Variants in PTPRT observed in about 807,000 individuals in gnomAD.
PTPRT encodes receptor-type tyrosine-protein phosphatase T.
In PTPRT, 56 loss-of-function variants were observed where a neutral mutation model predicts 176.8. The observed-to-expected ratio is 0.32, with a 90% confidence interval of 0.26 to 0.40. The LOEUF is 0.40. PTPRT is among the 10% of genes least tolerant of loss of function. The probability of loss-of-function intolerance (pLI) is 1.00; values close to 1 mark genes in which losing one functional copy is unlikely to be tolerated. For synonymous variants in PTPRT, 783 were observed against 739.0 expected (o/e 1.06, Z -0.96); for missense variants, 1,540 against 1,908.2 (o/e 0.81, Z 3.60).
intron 1 of PTPRT, among the ~76,000 whole-genome samples, chr20:43,030,141 G>A (rs923958188): frequency 6.6e-6 from 1 of 152,112 alleles, no homozygotes; most frequent in Admixed American, 6.6e-5. Context: ...TAAAAATTGA[G>A]AATGCTTTAT....
chr20:42,310,510 A>G (rs1184018326), intron 12 of PTPRT, among the ~76,000 whole-genome samples: 1 of 152,170 alleles, frequency 6.6e-6, no homozygotes, highest in Non-Finnish European at 1.5e-5. Flanking sequence ...TATATGGGAA[A>G]AAAGCTTTAA....
chr20:42,561,880 T>C (rs2072957559), intron 7 of PTPRT, among the ~76,000 whole-genome samples: 1 of 152,214 alleles, frequency 6.6e-6, no homozygotes, highest in Admixed American at 6.5e-5. Flanking sequence ...GTAACCCTCA[T>C]ACTGGCTGTT....
chr20:42,259,578 A>G (rs976112141), intron 13 of PTPRT, among the ~76,000 whole-genome samples: 21 of 152,238 alleles, frequency 1.4e-4, no homozygotes, highest in Non-Finnish European at 2.8e-4. Flanking sequence ...GGTAAGACTA[A>G]GACCTTAAGC....
intron 9 of PTPRT, among the ~76,000 whole-genome samples, chr20:42,422,194 C>G (rs1459789498): frequency 2.0e-5 from 3 of 152,048 alleles, no homozygotes; most frequent in Non-Finnish European, 4.4e-5. Flanking sequence ...AAAAGCAAAA[C>G]TTGACAAATG....
chr20:42,161,946 G>C (rs902408126), intron 16 of PTPRT, among the ~76,000 whole-genome samples: 7 of 151,378 alleles, frequency 4.6e-5, no homozygotes, highest in South Asian at 4.2e-4. Context: ...CAGGGGAGGA[G>C]AGCCTCAGGT....
At chr20:42,269,711 C>T (rs1439816946) in intron 13 of PTPRT, among the ~76,000 whole-genome samples, 1 of 152,202 alleles carries the variant, frequency 6.6e-6, no homozygotes, top group African/African-American at 2.4e-5. Context: ...TGTCTATTAT[C>T]TTGTTTAGTC....
chr20:42,492,857 C>CT, intron 7 of PTPRT, among the ~76,000 whole-genome samples: 1 of 152,250 alleles, frequency 6.6e-6, no homozygotes, highest in Admixed American at 6.5e-5. Flanking sequence ...ATGACTTTCT[C>CT]TGTTTGCATT....
chr20:43,113,181 T>A (rs2146345443), intron 1 of PTPRT, among the ~76,000 whole-genome samples: 1 of 152,268 alleles, frequency 6.6e-6, no homozygotes. Flanking sequence ...ACTACTTCTC[T>A]CATCAAGGGA....
chr20:42,235,007 T>A (rs11907286), intron 15 of PTPRT, among the ~76,000 whole-genome samples: 6,405 of 152,274 alleles, frequency 0.042, 425 homozygotes, highest in African/African-American at 0.14. Flanking sequence ...AAGCAATACA[T>A]TTTACCGGAA....
At chr20:42,377,019 A>G (rs1165237472) in intron 9 of PTPRT, among the ~76,000 whole-genome samples, 2 of 152,204 alleles carry the variant, frequency 1.3e-5, no homozygotes, top group Non-Finnish European at 2.9e-5. Flanking sequence ...AGCTACATAG[A>G]AAGAGAGGGA....
intron 7 of PTPRT, among the ~76,000 whole-genome samples, chr20:42,556,830 A>G (rs2072869548): frequency 6.6e-6 from 1 of 152,152 alleles, no homozygotes; most frequent in Admixed American, 6.5e-5. Context: ...CAACTGAGTG[A>G]CATTGCTGGT....
intron 1 of PTPRT, among the ~76,000 whole-genome samples, chr20:42,933,061 A>T (rs1021902742): frequency 6.6e-6 from 1 of 152,094 alleles, no homozygotes; most frequent in African/African-American, 2.4e-5. Flanking sequence ...TGAGAACAGA[A>T]TCTAATCTTT....
At chr20:42,636,291 G>A (rs763892952) in intron 7 of PTPRT, among the ~76,000 whole-genome samples, 7 of 152,038 alleles carry the variant, frequency 4.6e-5, no homozygotes, top group African/African-American at 9.7e-5. Context: ...ATTCACACCC[G>A]TTACATACAA....
intron 12 of PTPRT, among the ~76,000 whole-genome samples, chr20:42,303,534 T>C (rs1017401172): frequency 1.3e-5 from 2 of 152,198 alleles, no homozygotes; most frequent in African/African-American, 2.4e-5. Flanking sequence ...ATTTTTCACA[T>C]GCACAGATTC....
intron 9 of PTPRT, among the ~76,000 whole-genome samples, chr20:42,412,576 G>T (rs2059028668): frequency 6.6e-6 from 1 of 152,160 alleles, no homozygotes; most frequent in South Asian, 2.1e-4. Flanking sequence ...AAATAAAAAT[G>T]TATGTCTATT....
At chr20:42,657,324 CTTTGGAGCACCTCT>C (rs1262866656) in intron 7 of PTPRT, among the ~76,000 whole-genome samples, 2 of 152,272 alleles carry the variant, frequency 1.3e-5, no homozygotes, top group East Asian at 3.9e-4. Context: ...CAAGGGGACC[CTTTGGAGCACCTCT>C]TACTCAATCC....
chr20:42,545,699 G>A (rs2072662218), intron 7 of PTPRT, among the ~76,000 whole-genome samples: 1 of 152,110 alleles, frequency 6.6e-6, no homozygotes, highest in South Asian at 2.1e-4. Flanking sequence ...TTGGTTGAAG[G>A]CACTTGGGCT....
chr20:42,047,645 T>C, the PTPRT span, among the ~76,000 whole-genome samples: 142 of 152,346 alleles, frequency 9.3e-4, no homozygotes, highest in South Asian at 7.1e-3. Flanking sequence ...TCTAGTCCAG[T>C]AGGATGGCTG....
intron 6 of PTPRT, among the ~76,000 whole-genome samples, chr20:42,734,335 C>T (rs778723759): frequency 1.1e-4 from 16 of 152,208 alleles, no homozygotes; most frequent in Non-Finnish European, 2.1e-4. Context: ...AAGGACCACT[C>T]TTAGCCCTTC....
Sources: gnomAD v4.1 joint callset for allele counts (sites outside exome capture counted in the v4.1 genomes callset) on GRCh38, gnomAD v4.1.1 for gene constraint, MANE v1.5 for transcripts, NCBI Gene and HGNC (gene_info 2026-07-23, HGNC 2026-07-21) for gene names.